The following PPP1R16A variants were observed in gnomAD, a reference collection of about 807,000 sequenced individuals.
PPP1R16A encodes the protein protein phosphatase 1 regulatory subunit 16A, also known as myosin phosphatase-targeting subunit 3.
Under a neutral mutation model 46.6 loss-of-function variants are expected in PPP1R16A, and 39 were observed. The observed-to-expected ratio is 0.84, with a 90% CI of 0.65 to 1.09. The LOEUF (loss-of-function observed/expected upper bound fraction) is 1.09, where lower values mean the gene tolerates loss of function less well. Ranked by LOEUF, PPP1R16A falls within the 50% of genes least tolerant of loss-of-function variation. PPP1R16A has a pLI of 0.00. For synonymous variants in PPP1R16A, 413 were observed against 321.5 expected, an observed-to-expected ratio of 1.28 and a Z score of -3.04; for missense variants, 798 against 735.6, an observed-to-expected ratio of 1.08 and a Z score of -0.98.
chr8:144,494,462 G>T (rs745454399), intron 2 of PPP1R16A, among the ~76,000 whole-genome samples: 29 of 151,736 alleles, frequency 1.9e-4, no homozygotes, highest in Non-Finnish European at 3.2e-4. Flanking sequence ...ACAGGCGCAT[G>T]CCACCAGCTA....
intron 1 of PPP1R16A, among the ~76,000 whole-genome samples, chr8:144,480,031 G>T (rs1825340414): frequency 1.3e-5 from 2 of 152,212 alleles, no homozygotes; most frequent in South Asian, 4.1e-4. Flanking sequence ...ACAGTAACTG[G>T]CATGTCAAGA....
At chr8:144,484,886 G>A (rs2130219313) in intron 1 of PPP1R16A, among the ~76,000 whole-genome samples, 1 of 152,228 alleles carries the variant, frequency 6.6e-6, no homozygotes, top group East Asian at 1.9e-4. Flanking sequence ...ATTTGTGTTT[G>A]TAGATAAAAA....
intron 3 of PPP1R16A, 121 bp downstream of exon 3, chr8:144,497,574 G>C (rs747817291): frequency 2.8e-6 from 4 of 1,417,188 alleles, no homozygotes; most frequent in Non-Finnish European, 2.9e-6. Flanking sequence ...CCAGCCCCCA[G>C]ATCTTGCCTG....
At chr8:144,497,862 G>A in intron 3 of PPP1R16A, 1 of 368,416 alleles carries the variant, frequency 2.7e-6, no homozygotes, top group Non-Finnish European at 5.4e-6. Context: ...GAAATAGGGT[G>A]GGACCAGCCA....
intron 1 of PPP1R16A, chr8:144,478,853 C>A (rs1444680902): frequency 6.6e-6 from 1 of 152,382 alleles, no homozygotes. Context: ...AGAGCGGAGG[C>A]CCGGGGCACG....
Position 144,497,138 on chromosome 8 carries a change from C to T in PPP1R16A, c.-57C>T. 6.5e-7 allele frequency: 1 copy of T among 1,536,160 alleles called. No homozygotes were observed. Among genetic ancestry groups the T allele is most frequent in the Non-Finnish European group, 8.7e-7 (1 of 1,145,524 alleles). ...GCCCCACCCCTCAGGCCCAGCCTGG[C>T]CCCCAAGCTCCCCACTCTGGTGCCC... On this transcript the variant is annotated 5_prime_UTR_variant, in exon 3 of 12. Transcript: ENST00000435887.
intron 2 of PPP1R16A, among the ~76,000 whole-genome samples, chr8:144,492,334 CTTTTT>C (rs5895821): frequency 1.5e-5 from 2 of 131,754 alleles, no homozygotes; most frequent in African/African-American, 5.6e-5. Flanking sequence ...AAAAGGTGTA[CTTTTT>C]TTTTTTTTTT....
intron 2 of PPP1R16A, among the ~76,000 whole-genome samples, chr8:144,492,578 GC>G: frequency 6.6e-6 from 1 of 152,030 alleles, no homozygotes; most frequent in Non-Finnish European, 1.5e-5. Context: ...CTCGTGATCT[GC>G]CCACCTCGGC....
intron 1 of PPP1R16A, among the ~76,000 whole-genome samples, chr8:144,483,377 T>C (rs1166340411): frequency 6.6e-6 from 1 of 152,196 alleles, no homozygotes; most frequent in Non-Finnish European, 1.5e-5. Flanking sequence ...TCATCCTATG[T>C]GTTGTGTCGT....
In PPP1R16A at chr8:144,501,879, G is replaced by C. The variant is rs780128101; in HGVS notation, c.1563G>C (p.Arg521Ser). The C allele has an allele frequency of 1.3e-6, 2 of 1,537,200 alleles. No individual in the cohort carries two copies. The highest frequency in any genetic ancestry group is 3.9e-5 in the Admixed American group (2 of 51,154). ...TAPAVEAPVE[R>S]RPCCLLM is the part of the protein sequence containing the mutation. ...CGGCGGTGGAGGCTCCCGTGGAGAG[G>C]AGGCCGTGCTGCCTGCTCATGTGAG... The change falls in exon 12 of 12, where the codon AGG (arginine) becomes AGC (serine). Residue 521 changes from arginine (R) to serine (S), a missense_variant. Transcript: ENST00000435887.
chr8:144,499,762 G>T, intron 5 of PPP1R16A: 1 of 302,884 alleles, frequency 3.3e-6, no homozygotes, highest in Non-Finnish European at 6.3e-6. Flanking sequence ...CCCTCAGCGT[G>T]GCTGCCTGGT....
intron 1 of PPP1R16A, chr8:144,478,800 T>G (rs1292055925): frequency 6.6e-6 from 1 of 152,216 alleles, no homozygotes; most frequent in Non-Finnish European, 1.5e-5. Context: ...GCACCCCGCC[T>G]GGGAGGGAGC....
At position 144,501,614 on chromosome 8, in the gene PPP1R16A, C is replaced by T. The variant is rs763514165; in HGVS notation, c.1298C>T (p.Ser433Phe). The change falls in exon 12 of 12, where the codon TCC becomes TTC. Residue 433 changes from serine (S) to phenylalanine (F), a missense_variant. Transcript: ENST00000435887. ...LYSKRLDRSVSYQLSPLDSTT... is the reference protein window; with the variant it reads ...LYSKRLDRSVFYQLSPLDSTT... ...TCCAAGCGACTAGACCGGAGTGTCTCCTACCAGCTGAGCCCCCTGGACAGC... is the reference window on the plus strand; with the variant it reads ...TCCAAGCGACTAGACCGGAGTGTCTTCTACCAGCTGAGCCCCCTGGACAGC... 8 of 1,609,950 alleles carry T rather than the reference C, an allele frequency of 5.0e-6. No individual in the cohort carries two copies. Among genetic ancestry groups the T allele is most frequent in the African/African-American group, 1.3e-5 (1 of 74,872 alleles).
Position 144,501,113 on chromosome 8 carries a change from CCT to C in PPP1R16A, c.1038-10_1038-9del, listed in dbSNP as rs1564772535. 1.9e-6 allele frequency: 3 copies of C among 1,609,494 alleles called. No homozygotes were observed. Among genetic ancestry groups the C allele is most frequent in the Non-Finnish European group, 2.5e-6 (3 of 1,179,380 alleles). ...CACTCCCCTTCCCCTCACTCCCTCTCCTCTCTCCTCCCCAGGAAGGTGGTGAG... is the reference window on the plus strand; with the variant it reads ...CACTCCCCTTCCCCTCACTCCCTCTCCTCTCCTCCCCAGGAAGGTGGTGAG... On this transcript the variant is annotated splice_polypyrimidine_tract_variant and intron_variant, in intron 10 of 11. Coordinates refer to ENST00000435887, the MANE Select transcript of PPP1R16A (RefSeq NM_001329443.2).
In PPP1R16A at chr8:144,498,779, TC is replaced by T; in HGVS notation, c.271del (p.Ser93ValfsTer13). ...CGCCACCTTTTTGCAGTCCGCCAGT[TC>T]CTTGGGAGTGGGGTCAGCCCTGACT... ...ARNDLEEVRQ[F>X]LGSGVSPDLA... On this transcript the variant is annotated frameshift_variant, in exon 4 of 12. Transcript: ENST00000435887. LOFTEE classifies it high-confidence loss of function. 6.3e-7 allele frequency: 1 copy of T among 1,589,214 alleles called. No homozygotes were observed. The highest frequency in any genetic ancestry group is 8.6e-7 in the Non-Finnish European group (1 of 1,162,078).
In PPP1R16A at chr8:144,500,825, C is replaced by T; in HGVS notation, c.908-17C>T. ...CAGGCGGGGAGGGCGCCCCTGACGCCTGCGCCCACTTCTCAGATGTGTGCG... is the reference window on the plus strand; with the variant it reads ...CAGGCGGGGAGGGCGCCCCTGACGCTTGCGCCCACTTCTCAGATGTGTGCG... On this transcript the variant is annotated splice_polypyrimidine_tract_variant and intron_variant, in intron 9 of 11. Transcript: ENST00000435887. 1 of 1,587,922 alleles carries T rather than the reference C, an allele frequency of 6.3e-7. No homozygotes were observed. The highest frequency in any genetic ancestry group is 1.1e-5 in the South Asian group (1 of 88,034).
intron 1 of PPP1R16A, among the ~76,000 whole-genome samples, chr8:144,481,153 G>A (rs1311616988): frequency 6.6e-6 from 1 of 151,210 alleles, no homozygotes; most frequent in African/African-American, 2.4e-5. Flanking sequence ...GCCTCCCAAA[G>A]TGCTGGGATT....
In PPP1R16A at chr8:144,501,949, G is replaced by C. The variant is rs1172139015; in HGVS notation, c.*46G>C. On this transcript the variant is annotated 3_prime_UTR_variant, in exon 12 of 12. Coordinates refer to ENST00000435887, the MANE Select transcript of PPP1R16A (RefSeq NM_001329443.2). ...GGGCCCTGTCGCGGGCACAGCCCAA[G>C]GCTGCCTCCCCACGGTGCGTGCCCT... 6.8e-7 allele frequency: 1 copy of C among 1,467,004 alleles called. No homozygotes were observed. The highest frequency in any genetic ancestry group is 9.0e-7 in the Non-Finnish European group (1 of 1,111,494). The allele number at this position is 1,467,004 out of a possible 1,614,324, so 90.9% of individuals were successfully genotyped here. A position where few individuals can be genotyped will look rare whatever the true frequency, so the allele number is the denominator to read the frequency against.
intron 1 of PPP1R16A, among the ~76,000 whole-genome samples, chr8:144,479,803 G>A (rs1041094171): frequency 6.6e-6 from 1 of 152,140 alleles, no homozygotes; most frequent in Non-Finnish European, 1.5e-5. Context: ...CTTCTTTCAT[G>A]CCGAGGCTCT....
Sources: gnomAD v4.1 joint callset for allele counts (sites outside exome capture counted in the v4.1 genomes callset) on GRCh38, gnomAD v4.1.1 for gene constraint, MANE v1.5 for transcripts, NCBI Gene and HGNC (gene_info 2026-07-23, HGNC 2026-07-21) for gene names.